The following RBFOX1 variants were observed in gnomAD, a reference collection of about 807,000 sequenced individuals.
RBFOX1 encodes the protein RNA binding protein fox-1 homolog 1.
A neutral mutation model predicts 57.7 loss-of-function variants in RBFOX1; 8 were observed. The ratio of observed to expected loss-of-function variants is 0.14; its 90% CI spans 0.08 to 0.25. The LOEUF (loss-of-function observed/expected upper bound fraction) is 0.25, where lower values mean the gene tolerates loss of function less well. Ranked by LOEUF, RBFOX1 falls within the 10% of genes least tolerant of loss-of-function variation. RBFOX1 has a pLI of 1.00. For synonymous variants in RBFOX1, 326 were observed against 222.4 expected (o/e 1.47, Z -4.15); for missense variants, 611 against 548.5 (o/e 1.11, Z -1.14).
chr16:7,447,365 G>A (rs901384446), intron 4 of RBFOX1, among the ~76,000 whole-genome samples: 4 of 149,844 alleles, frequency 2.7e-5, no homozygotes, highest in African/African-American at 7.3e-5. Flanking sequence ...CCTGGGAGAC[G>A]GAGGTTGCAG....
chr16:6,685,284 T>C (rs1404115758), intron 3 of RBFOX1, among the ~76,000 whole-genome samples: 2 of 146,194 alleles, frequency 1.4e-5, no homozygotes, highest in African/African-American at 2.5e-5. Flanking sequence ...TTTTTTTTTT[T>C]TTTTTTTTTG....
At chr16:5,697,636 C>T (rs1027533011) in intron 3 of RBFOX1, among the ~76,000 whole-genome samples, 3 of 150,192 alleles carry the variant, frequency 2.0e-5, no homozygotes. Flanking sequence ...CAGGTTCAAG[C>T]GATTCTTCTG....
chr16:7,389,603 C>G (rs188086894), intron 4 of RBFOX1, among the ~76,000 whole-genome samples: 1 of 152,276 alleles, frequency 6.6e-6, no homozygotes, highest in Admixed American at 6.5e-5. Flanking sequence ...AGGCAAAACA[C>G]TACCTAAAAA....
chr16:6,873,848 C>CTT (rs2061368276), intron 3 of RBFOX1: 1 of 152,104 alleles, frequency 6.6e-6, no homozygotes, highest in Admixed American at 6.6e-5. Flanking sequence ...CATTAAGTAA[C>CTT]TTGCATAAAG....
In RBFOX1 at chr16:5,946,155, T is replaced by C. The variant is rs2059395991; in HGVS notation, c.351+78820T>C. ...ATAGACCACCACTCCTGTCCTAACA[T>C]GGCAGGATGTGATGGAAAGTGCACA... On this transcript the variant is annotated intron_variant, in intron 4 of 19. Transcript: ENST00000641259. The surrounding 1 kb of genome is among the most constrained non-coding windows in gnomAD (Gnocchi z 4.6). Among the ~76,000 whole-genome samples the C allele has an allele frequency of 6.6e-6, 1 of 152,158 alleles. No individual in the cohort carries two copies. Among genetic ancestry groups the C allele is most frequent in the Non-Finnish European group, 1.5e-5 (1 of 68,020 alleles).
At chr16:5,545,650 A>G (rs990806384) in intron 2 of RBFOX1, among the ~76,000 whole-genome samples, 16 of 152,140 alleles carry the variant, frequency 1.1e-4, no homozygotes, top group African/African-American at 3.6e-4. Flanking sequence ...TTTAACATCT[A>G]TTCTCAATTA....
chr16:6,021,419 G>T (rs1479100271), intron 1 of RBFOX1, among the ~76,000 whole-genome samples: 1 of 152,258 alleles, frequency 6.6e-6, no homozygotes, highest in Non-Finnish European at 1.5e-5. Flanking sequence ...GCCCCGGCTG[G>T]AGCTACTGGC....
chr16:5,582,481 C>T (rs4786044), intron 2 of RBFOX1, among the ~76,000 whole-genome samples: 16,831 of 151,170 alleles, frequency 0.11, 1,570 homozygotes, highest in East Asian at 0.52. Flanking sequence ...AGAGGTTAAA[C>T]AGCCCTCCAA....
chr16:5,244,043 C>A (rs1012427443), intron 1 of RBFOX1, among the ~76,000 whole-genome samples: 1 of 151,938 alleles, frequency 6.6e-6, no homozygotes, highest in Non-Finnish European at 1.5e-5. Flanking sequence ...ATTACAGGTC[C>A]CCACCACCAC....
At chr16:7,274,947 G>C (rs148201623) in intron 4 of RBFOX1, among the ~76,000 whole-genome samples, 1 of 152,124 alleles carries the variant, frequency 6.6e-6, no homozygotes, top group Non-Finnish European at 1.5e-5. Context: ...GCCTCCCAAA[G>C]TGCTGGAATT....
At chr16:6,802,483 C>A (rs377254666) in intron 3 of RBFOX1, among the ~76,000 whole-genome samples, 1 of 152,094 alleles carries the variant, frequency 6.6e-6, no homozygotes. Flanking sequence ...TTGAGACCAG[C>A]CTGACCAATT....
intron 3 of RBFOX1, among the ~76,000 whole-genome samples, chr16:6,711,515 G>A (rs759233413): frequency 5.3e-5 from 8 of 152,172 alleles, no homozygotes; most frequent in Non-Finnish European, 8.8e-5. Flanking sequence ...TAGAGAGTGA[G>A]TTCTCACAAC....
intron 3 of RBFOX1, among the ~76,000 whole-genome samples, chr16:6,843,498 C>T (rs867632567): frequency 3.3e-5 from 5 of 152,040 alleles, no homozygotes; most frequent in South Asian, 2.1e-4. Flanking sequence ...ACCATCCTGG[C>T]TAACACTGTG....
At chr16:6,863,752 T>TTTTTTTTTTTTTTTTTTTC (rs2059425841) in intron 3 of RBFOX1, among the ~76,000 whole-genome samples, 1 of 119,878 alleles carries the variant, frequency 8.3e-6, no homozygotes, top group Admixed American at 8.9e-5. Flanking sequence ...TTTTTTTTTT[T>TTTTTTTTTTTTTTTTTTTC]ACCAAAACCA....
chr16:6,707,139 T>G (rs2062893992), intron 3 of RBFOX1, among the ~76,000 whole-genome samples: 1 of 152,176 alleles, frequency 6.6e-6, no homozygotes, highest in African/African-American at 2.4e-5. Flanking sequence ...AGATGTGATT[T>G]CTATTTGCAA....
In RBFOX1 at chr16:6,845,161, C is replaced by T. The variant is rs13339312; in HGVS notation, c.-16+190511C>T. Among the ~76,000 whole-genome samples the T allele has an allele frequency of 6.7e-3, 1,015 of 152,198 alleles. 11 individuals carry two copies. The highest frequency in any genetic ancestry group is 0.023 in the African/African-American group (959 of 41,538). On this transcript the variant is annotated intron_variant, in intron 3 of 15. Transcript: ENST00000550418. Reference sequence around the variant, plus strand: ...TTCACTCTGGTAGTTTCTTTTTCTGCACAGAAGCTCTTTAGTTTAATTAGA... The same window carrying T: ...TTCACTCTGGTAGTTTCTTTTTCTGTACAGAAGCTCTTTAGTTTAATTAGA...
intron 3 of RBFOX1, among the ~76,000 whole-genome samples, chr16:5,847,328 ACTT>A (rs1376600506): frequency 6.8e-6 from 1 of 146,144 alleles, no homozygotes. Flanking sequence ...AGCCATAAGA[ACTT>A]CTTAGCCTCA....
chr16:6,864,733 A>G lies in RBFOX1; in HGVS notation c.-15-187324A>G, dbSNP rs1212179992. On this transcript the variant is annotated intron_variant, in intron 3 of 15. Transcript: ENST00000550418. The stretch of plus-strand genomic sequence containing the variant: ...TGAAGAAAAAGTTGCTTCCTAGAAG[A>G]TGTTGCTCTGTTCAACCTGTATTTT... 2.6e-5 allele frequency among the ~76,000 whole-genome samples: 4 copies of G among 152,192 alleles called. No individual in the cohort carries two copies. The East Asian group carries it at 5.8e-4, about 22-fold the overall frequency.
chr16:6,649,245 C>A (rs1464006975), intron 2 of RBFOX1, among the ~76,000 whole-genome samples: 1 of 152,204 alleles, frequency 6.6e-6, no homozygotes, highest in African/African-American at 2.4e-5. Flanking sequence ...TCTCCAGGTT[C>A]ATCCATGTCA....
Sources: gnomAD v4.1 joint callset for allele counts (sites outside exome capture counted in the v4.1 genomes callset) on GRCh38, gnomAD v4.1.1 for gene constraint, Gnocchi (gnomAD v3.1) non-coding constraint, MANE v1.5 for transcripts, NCBI Gene and HGNC (gene_info 2026-07-23, HGNC 2026-07-21) for gene names.